Variants in ARHGAP8 observed in about 807,000 individuals in gnomAD.
The protein encoded by ARHGAP8 is rho GTPase-activating protein 8.
In ARHGAP8, 62 loss-of-function variants were observed where a neutral mutation model predicts 46.1. The observed-to-expected ratio is 1.34, with a 90% confidence interval of 1.10 to 1.66. ARHGAP8 has a LOEUF of 1.66. Among genes scored for constraint, ARHGAP8 ranks in the 40% most tolerant of loss-of-function variants. ARHGAP8 has a pLI of 0.00. For synonymous variants in ARHGAP8, 375 were observed against 243.1 expected, an observed-to-expected ratio of 1.54 and a Z score of -5.05; for missense variants, 923 against 568.4, an observed-to-expected ratio of 1.62 and a Z score of -6.34.
intron 7 of ARHGAP8, among the ~76,000 whole-genome samples, chr22:44,835,811 C>A (rs1931245939): frequency 6.6e-6 from 1 of 152,158 alleles, no homozygotes; most frequent in Non-Finnish European, 1.5e-5. Context: ...GTTAACTGAG[C>A]CAGTGTTCAC....
intron 10 of ARHGAP8, among the ~76,000 whole-genome samples, chr22:44,851,729 G>A (rs1182357051): frequency 6.6e-6 from 1 of 151,962 alleles, no homozygotes; most frequent in Non-Finnish European, 1.5e-5. Context: ...AGTCCCAGCT[G>A]CTCAGGAGGC....
Position 44,859,010 on chromosome 22 carries a change from G to A in ARHGAP8, c.878-721G>A, listed in dbSNP as rs78673854. Among the ~76,000 whole-genome samples, 413 of 151,926 alleles carry A rather than the reference G, an allele frequency of 2.7e-3. 12 individuals carry two copies. The East Asian group carries it at 0.066, about 24-fold the overall frequency. On this transcript the variant is annotated intron_variant, in intron 10 of 11. Transcript: ENST00000356099. ...CAAAATGTCCGTGGCTGTGTTCCAA[G>A]AAAACGTTATTGGCAAAAACAGGCA...
Position 44,772,005 on chromosome 22 carries a change from C to G in ARHGAP8, c.-71-14452C>G, listed in dbSNP as rs553371776. ...TTCTGAGCGCTTTCAGTCTTTCAGT[C>G]TTTCACTGTTCTGTATGATGTTAGC... On this transcript the variant is annotated intron_variant, in intron 1 of 11. Transcript: ENST00000356099. Among the ~76,000 whole-genome samples, 33 of 152,282 alleles carry G rather than the reference C, an allele frequency of 2.2e-4. No individual in the cohort carries two copies. In the South Asian group the frequency reaches 5.4e-3, roughly 25 times the overall value.
At chr22:44,813,730 TAC>T (rs1929529057) in intron 4 of ARHGAP8, among the ~76,000 whole-genome samples, 1 of 130,168 alleles carries the variant, frequency 7.7e-6, no homozygotes, top group African/African-American at 2.8e-5. Flanking sequence ...TTCATACACT[TAC>T]ACCTACACAC....
chr22:44,812,502 G>A (rs1341823950), intron 4 of ARHGAP8, among the ~76,000 whole-genome samples: 2 of 151,816 alleles, frequency 1.3e-5, no homozygotes, highest in East Asian at 1.9e-4. Context: ...GACTACAGGT[G>A]TGCACTACCA....
chr22:44,862,689 C>T lies in ARHGAP8; in HGVS notation c.*94C>T, dbSNP rs1022260159. 1.4e-4 allele frequency: 202 copies of T among 1,410,756 alleles called. No homozygotes were observed. In the East Asian group the frequency reaches 3.7e-3, roughly 26 times the overall value. 87.4% of individuals were successfully genotyped at this position (1,410,756 alleles called of 1,614,324 possible). On this transcript the variant is annotated 3_prime_UTR_variant, in exon 12 of 12. Coordinates refer to ENST00000356099, the MANE Select transcript of ARHGAP8 (RefSeq NM_181335.3). ...CTTGGCATCTGTAAAAATAACCAGC[C>T]ATTAGATGAATTCAGAACCTTCTAA...
At chr22:44,818,338 A>T (rs760822761) in intron 5 of ARHGAP8, among the ~76,000 whole-genome samples, 2 of 151,720 alleles carry the variant, frequency 1.3e-5, no homozygotes, top group Non-Finnish European at 2.9e-5. Context: ...AATCTCAGCT[A>T]CTTGGGAGGC....
intron 7 of ARHGAP8, among the ~76,000 whole-genome samples, chr22:44,835,508 C>T (rs1329332412): frequency 6.6e-6 from 1 of 152,134 alleles, no homozygotes; most frequent in African/African-American, 2.4e-5. Flanking sequence ...ATAGGCCCAG[C>T]TACTCAGGAG....
chr22:44,774,657 G>A (rs550284969), intron 1 of ARHGAP8, among the ~76,000 whole-genome samples: 1 of 151,766 alleles, frequency 6.6e-6, no homozygotes, highest in Admixed American at 6.6e-5. Context: ...TAAGTAGCTG[G>A]GATTACAGGC....
rs1408268411 is a variant in ARHGAP8, at chr22:44,795,159, AG to A, written c.80-6917del. On this transcript the variant is annotated intron_variant, in intron 2 of 11. Transcript: ENST00000356099. ...CAACAACAGCTCACTCTCAGAGTTCAGTATCATGCAAGACCATGGGCTCTGC... is the reference window on the plus strand; with the variant it reads ...CAACAACAGCTCACTCTCAGAGTTCATATCATGCAAGACCATGGGCTCTGC... Among the ~76,000 whole-genome samples the A allele has an allele frequency of 1.1e-4, 16 of 152,290 alleles. No individual in the cohort carries two copies. The East Asian group carries it at 3.1e-3, about 29-fold the overall frequency.
At chr22:44,816,165 C>CGT (rs1555914652) in intron 5 of ARHGAP8, among the ~76,000 whole-genome samples, 1 of 151,768 alleles carries the variant, frequency 6.6e-6, no homozygotes, top group Non-Finnish European at 1.5e-5. Flanking sequence ...GAAGCCCACT[C>CGT]GTGGCTCTGA....
At chr22:44,819,379 G>A (rs1929969136) in intron 5 of ARHGAP8, among the ~76,000 whole-genome samples, 3 of 151,866 alleles carry the variant, frequency 2.0e-5, no homozygotes, top group Non-Finnish European at 4.4e-5. Flanking sequence ...GATTTAAAAT[G>A]TTTTTAAGTT....
intron 5 of ARHGAP8, among the ~76,000 whole-genome samples, chr22:44,821,049 G>A (rs1041961277): frequency 1.4e-4 from 22 of 152,286 alleles, no homozygotes; most frequent in African/African-American, 4.8e-4. Flanking sequence ...CTTTCAAATT[G>A]TCATAAAATA....
At chr22:44,848,830 G>T in intron 9 of ARHGAP8, 102 bp from the exon 10 acceptor site, 1 of 1,562,754 alleles carries the variant, frequency 6.4e-7, no homozygotes, top group Non-Finnish European at 8.7e-7. Flanking sequence ...CATCAGGTGC[G>T]TCCCATCCGG....
chr22:44,848,274 G>A (rs907252223), intron 9 of ARHGAP8, among the ~76,000 whole-genome samples: 9 of 152,320 alleles, frequency 5.9e-5, no homozygotes, highest in Admixed American at 3.3e-4. Flanking sequence ...CATGGTGGCC[G>A]CATGATGCCA....
At chr22:44,800,474 C>A (rs948947367) in intron 2 of ARHGAP8, among the ~76,000 whole-genome samples, 1 of 152,188 alleles carries the variant, frequency 6.6e-6, no homozygotes, top group Non-Finnish European at 1.5e-5. Flanking sequence ...GATAAGCAGA[C>A]CCAGTCCCAG....
At chr22:44,778,954 A>G (rs56205254) in intron 1 of ARHGAP8, among the ~76,000 whole-genome samples, 1 of 2,400 alleles carries the variant, frequency 4.2e-4, no homozygotes, top group Admixed American at 3.6e-3. Flanking sequence ...TTTCACCCAT[A>G]ATGAGTGAAC....
In ARHGAP8 at chr22:44,753,258, C is replaced by G. The variant is rs140112268; in HGVS notation, c.-72+631C>G. On this transcript the variant is annotated intron_variant, in intron 1 of 11. Transcript: ENST00000356099. The stretch of plus-strand genomic sequence containing the variant: ...TTTTTTTTTGACACCGAGTCTTGCT[C>G]TGTCCCCAGGCTGGATTGCAGTGTT... Among the ~76,000 whole-genome samples the G allele has an allele frequency of 7.3e-3, 1,093 of 150,344 alleles. 5 individuals carry two copies. The highest frequency in any genetic ancestry group is 0.011 in the Non-Finnish European group (755 of 67,738).
intron 7 of ARHGAP8, among the ~76,000 whole-genome samples, chr22:44,832,184 AT>A (rs1020901954): frequency 0.012 from 1,403 of 113,628 alleles, 21 homozygotes; most frequent in African/African-American, 0.041. Flanking sequence ...TTTTTGTTAA[AT>A]TTTTTTTTTT....
Sources: gnomAD v4.1 joint callset for allele counts (sites outside exome capture counted in the v4.1 genomes callset) on GRCh38, gnomAD v4.1.1 for gene constraint, MANE v1.5 for transcripts, NCBI Gene and HGNC (gene_info 2026-07-23, HGNC 2026-07-21) for gene names.